Variants in FNDC3A observed in about 807,000 individuals in gnomAD.
The protein encoded by FNDC3A is fibronectin type-III domain-containing protein 3A.
In FNDC3A, 32 loss-of-function variants were observed where a neutral mutation model predicts 148.9. That is an observed-to-expected ratio of 0.21 (90% CI 0.16 to 0.29). FNDC3A has a LOEUF of 0.29. FNDC3A is among the 10% of genes least tolerant of loss of function. The pLI is 1.00. For missense variants in FNDC3A, 1,191 were observed against 1,452.8 expected (o/e 0.82, Z 2.93); for synonymous variants, 472 against 473.6 (o/e 1.00, Z 0.04).
At chr13:49,106,506 G>A (rs1566252960) in intron 3 of FNDC3A, among the ~76,000 whole-genome samples, 1 of 151,976 alleles carries the variant, frequency 6.6e-6, no homozygotes, top group Non-Finnish European at 1.5e-5. Context: ...ATGGAGATGG[G>A]GTCTCACTAT....
intron 4 of FNDC3A, among the ~76,000 whole-genome samples, chr13:49,126,229 T>TC (rs1270781354): frequency 6.6e-6 from 1 of 152,040 alleles, no homozygotes; most frequent in African/African-American, 2.4e-5. Flanking sequence ...CTTTTTTTTT[T>TC]CCCCTCTTCT....
chr13:49,012,548 A>G (rs1383158142), intron 2 of FNDC3A, among the ~76,000 whole-genome samples: 1 of 152,096 alleles, frequency 6.6e-6, no homozygotes, highest in African/African-American at 2.4e-5. Context: ...TAGCTTATCA[A>G]TACACACACA....
chr13:49,060,793 A>G (rs9316429), intron 2 of FNDC3A, among the ~76,000 whole-genome samples: 64,804 of 151,844 alleles, frequency 0.43, 14,544 homozygotes, highest in East Asian at 0.53. Flanking sequence ...ATAGGTAAAT[A>G]CATAGAGATA....
intron 2 of FNDC3A, among the ~76,000 whole-genome samples, chr13:49,014,705 T>G (rs1952451743): frequency 7.3e-6 from 1 of 136,740 alleles, no homozygotes; most frequent in South Asian, 2.5e-4. Flanking sequence ...ATGCCTAGGT[T>G]TTCTTCTAGG....
intron 2 of FNDC3A, among the ~76,000 whole-genome samples, chr13:49,060,501 A>G (rs892755022): frequency 6.6e-6 from 1 of 151,968 alleles, no homozygotes; most frequent in Non-Finnish European, 1.5e-5. Flanking sequence ...AAAATTAGCC[A>G]GGTGTGGTGG....
chr13:49,028,707 C>A (rs1319992383), intron 2 of FNDC3A, among the ~76,000 whole-genome samples: 1 of 152,200 alleles, frequency 6.6e-6, no homozygotes, highest in Non-Finnish European at 1.5e-5. Context: ...AAGGGTAAAT[C>A]TGCCTCTAAC....
chr13:49,177,462 A>G (rs1455592427), intron 13 of FNDC3A, among the ~76,000 whole-genome samples: 1 of 152,180 alleles, frequency 6.6e-6, no homozygotes, highest in East Asian at 1.9e-4. Context: ...AAATCTATAT[A>G]TAGTTCATAG....
At chr13:49,036,470 C>G (rs1303733497) in intron 2 of FNDC3A, among the ~76,000 whole-genome samples, 3 of 152,142 alleles carry the variant, frequency 2.0e-5, no homozygotes, top group Admixed American at 2.0e-4. Context: ...GGTGTTGAAA[C>G]TGGAGGAAAG....
chr13:49,112,809 T>C (rs1880660840), intron 3 of FNDC3A, among the ~76,000 whole-genome samples: 1 of 152,126 alleles, frequency 6.6e-6, no homozygotes, highest in Non-Finnish European at 1.5e-5. Context: ...AGAAAAAATA[T>C]GTAAAAGGCC....
intron 13 of FNDC3A, 143 bp from the exon 14 acceptor site, chr13:49,178,425 G>A (rs981569146): frequency 1.7e-6 from 1 of 586,698 alleles, no homozygotes; most frequent in Non-Finnish European, 3.0e-6. Context: ...GAAGCATCGA[G>A]GTGAGGATTC....
intron 3 of FNDC3A, among the ~76,000 whole-genome samples, chr13:49,082,960 C>T (rs1002101986): frequency 6.6e-6 from 1 of 152,062 alleles, no homozygotes; most frequent in African/African-American, 2.4e-5. Flanking sequence ...GTAGCCTGAC[C>T]TGGGTTGTAG....
At chr13:49,124,307 C>A (rs924121374) in intron 4 of FNDC3A, among the ~76,000 whole-genome samples, 1 of 151,866 alleles carries the variant, frequency 6.6e-6, no homozygotes, top group Non-Finnish European at 1.5e-5. Context: ...CACATAGACA[C>A]AGGGAGGGGA....
At chr13:49,191,422 G>GT in intron 19 of FNDC3A, 38 bp downstream of exon 19, 4 of 1,452,108 alleles carry the variant, frequency 2.8e-6, no homozygotes, top group Non-Finnish European at 3.7e-6. Context: ...AATCACAATG[G>GT]TGATATATGT....
intron 2 of FNDC3A, chr13:49,044,765 T>C (rs1299115725): frequency 1.9e-5 from 8 of 426,558 alleles, no homozygotes; most frequent in Non-Finnish European, 4.7e-6. Context: ...GACATAAAGC[T>C]GGTAGGCAGA....
intron 10 of FNDC3A, 137 bp downstream of exon 10, chr13:49,168,888 A>G: frequency 2.6e-6 from 2 of 771,184 alleles, no homozygotes; most frequent in Admixed American, 2.5e-5. Context: ...ACAAATGCCT[A>G]TTTAATGTAT....
Position 49,145,850 on chromosome 13 carries a change from G to T in FNDC3A, c.892G>T (p.Asp298Tyr), listed in dbSNP as rs1254688529. ...TTCCAGCCTCATTAATGGTGAAACA[G>T]ATGAAAGTAGTGTACCAGAGCTCTA... is the stretch of plus-strand genomic sequence containing the variant. ...PPSSLINGET[D>Y]ESSVPELYGY... The change falls in exon 8 of 26, where the codon GAT (aspartate) becomes TAT (tyrosine). Residue 298 changes from aspartate (D) to tyrosine (Y), a missense_variant. Around this residue, in one of 3 missense-constraint regions of FNDC3A, gnomAD observed 426 missense variants for 473.2 expected, o/e 0.90. Transcript: ENST00000492622. 6.2e-7 allele frequency: 1 copy of T among 1,613,472 alleles called. No homozygotes were observed. Among genetic ancestry groups the T allele is most frequent in the South Asian group, 1.1e-5 (1 of 91,072 alleles).
intron 3 of FNDC3A, among the ~76,000 whole-genome samples, chr13:49,106,100 C>T (rs1330770094): frequency 6.6e-6 from 1 of 152,156 alleles, no homozygotes; most frequent in Non-Finnish European, 1.5e-5. Context: ...TCATGTTCCC[C>T]CTTAGGGCCT....
intron 19 of FNDC3A, among the ~76,000 whole-genome samples, chr13:49,195,228 T>C (rs1223974299): frequency 6.6e-6 from 1 of 152,228 alleles, no homozygotes; most frequent in East Asian, 1.9e-4. Context: ...AAATCAGTGC[T>C]GTAAACAAAA....
At chr13:48,976,868 C>T (rs1351678663) in intron 1 of FNDC3A, 2 of 152,230 alleles carry the variant, frequency 1.3e-5, no homozygotes, top group Admixed American at 1.3e-4. Flanking sequence ...TTTTAACAAC[C>T]TGGATCTTCG....
Sources: gnomAD v4.1 joint callset for allele counts (sites outside exome capture counted in the v4.1 genomes callset) on GRCh38, gnomAD v4.1.1 for gene constraint, gnomAD v4.1.1 regional missense constraint, MANE v1.5 for transcripts, NCBI Gene and HGNC (gene_info 2026-07-23, HGNC 2026-07-21) for gene names.